INPP5A: variants seen among roughly 807,000 people sequenced by gnomAD.
INPP5A encodes the protein inositol polyphosphate-5-phosphatase A.
Under a neutral mutation model 65.2 loss-of-function variants are expected in INPP5A, and 14 were observed. The ratio of observed to expected loss-of-function variants is 0.21; its 90% confidence interval spans 0.14 to 0.34. The LOEUF (loss-of-function observed/expected upper bound fraction) is 0.34, where lower values mean the gene tolerates loss of function less well. Ranked by LOEUF, INPP5A falls within the 10% of genes least tolerant of loss-of-function variation. INPP5A has a pLI of 1.00. For missense variants in INPP5A, 431 were observed against 545.6 expected (o/e 0.79, Z 2.09); for synonymous variants, 207 against 208.3 (o/e 0.99, Z 0.05).
rs1306160199 is a variant in INPP5A, at chr10:132,555,087, G to A, written c.75+16916G>A. ...GTTGGCATTGATGTGGGTAGCATGG[G>A]CAGTGTGGGTGGCATGGCTGCTGTG... is the stretch of plus-strand genomic sequence containing the variant. On this transcript the variant is annotated intron_variant, in intron 1 of 15. Coordinates refer to ENST00000368594, the MANE Select transcript of INPP5A (RefSeq NM_005539.5). This position sits in a 1 kb window ranked among gnomAD's most constrained non-coding sequence, Gnocchi z 4.4. Among the ~76,000 whole-genome samples, 3 of 151,672 alleles carry A rather than the reference G, an allele frequency of 2.0e-5. No individual in the cohort carries two copies. Among genetic ancestry groups the A allele is most frequent in the East Asian group, 1.9e-4 (1 of 5,140 alleles).
In INPP5A at chr10:132,741,033, G is replaced by C. The variant is rs1846261696; in HGVS notation, c.733-8484G>C. 1.3e-5 allele frequency among the ~76,000 whole-genome samples: 2 copies of C among 152,182 alleles called. No homozygotes were observed. Among genetic ancestry groups the C allele is most frequent in the South Asian group, 4.1e-4 (2 of 4,826 alleles). On this transcript the variant is annotated intron_variant, in intron 9 of 15. Transcript: ENST00000368594. This position sits in a 1 kb window ranked among gnomAD's most constrained non-coding sequence, Gnocchi z 4.4. Reference sequence around the variant, plus strand: ...CATTGAGCCCAGGAATTCAAGACCAGCCTGGGCAACATAGGGAGTCCCCGT... The same window carrying C: ...CATTGAGCCCAGGAATTCAAGACCACCCTGGGCAACATAGGGAGTCCCCGT...
intron 9 of INPP5A, among the ~76,000 whole-genome samples, chr10:132,737,119 G>A (rs117101494): frequency 0.021 from 3,172 of 152,338 alleles, 41 homozygotes; most frequent in South Asian, 0.035. Flanking sequence ...TCAGTCTGAC[G>A]ATGTTCCTGC....
chr10:132,692,906 C>T (rs1018926552), intron 5 of INPP5A, among the ~76,000 whole-genome samples: 47 of 152,174 alleles, frequency 3.1e-4, no homozygotes, highest in African/African-American at 1.0e-3. Flanking sequence ...ATATATTTTT[C>T]TTACCCTTAA....
intron 6 of INPP5A, 78 bp from the exon 7 acceptor site, chr10:132,708,235 T>C: frequency 7.9e-7 from 1 of 1,273,736 alleles, no homozygotes; most frequent in Non-Finnish European, 1.1e-6. Flanking sequence ...ATCTCCTGTG[T>C]CCTTTAGGTG....
intron 11 of INPP5A, among the ~76,000 whole-genome samples, chr10:132,764,951 G>A (rs1479135103): frequency 1.4e-5 from 2 of 143,238 alleles, no homozygotes; most frequent in African/African-American, 5.3e-5. Context: ...GTGACACTCA[G>A]GAACACGGTC....
At position 132,650,052 on chromosome 10, in the gene INPP5A, T is replaced by G. The variant is rs1590894574; in HGVS notation, c.219-366T>G. On this transcript the variant is annotated intron_variant, in intron 3 of 15. Transcript: ENST00000368594. This position sits in a 1 kb window ranked among gnomAD's most constrained non-coding sequence, Gnocchi z 5.5. Reference sequence around the variant, plus strand: ...TGCTGGTGGCTACTGGGGGTCCAATTTCTCTCTTAAGACCAAGCGTGAGCT... The same window carrying G: ...TGCTGGTGGCTACTGGGGGTCCAATGTCTCTCTTAAGACCAAGCGTGAGCT... Among the ~76,000 whole-genome samples the G allele has an allele frequency of 6.6e-6, 1 of 152,270 alleles. No individual in the cohort carries two copies. Among genetic ancestry groups the G allele is most frequent in the African/African-American group, 2.4e-5 (1 of 41,554 alleles).
In INPP5A at chr10:132,725,524, C is replaced by T. The variant is rs148830538; in HGVS notation, c.648-1297C>T. 1.8e-3 allele frequency among the ~76,000 whole-genome samples: 268 copies of T among 152,308 alleles called. 3 individuals carry two copies. Among genetic ancestry groups the T allele is most frequent in the African/African-American group, 4.5e-3 (187 of 41,578 alleles). ...CTTGGGGATTCTTCTACTTCTCAAG[C>T]GAATGGATCAAGCTGGAAAAGGCTG... On this transcript the variant is annotated intron_variant, in intron 8 of 15. Coordinates refer to ENST00000368594, the MANE Select transcript of INPP5A (RefSeq NM_005539.5).
intron 9 of INPP5A, among the ~76,000 whole-genome samples, chr10:132,740,325 G>A (rs1475062137): frequency 6.6e-6 from 1 of 152,200 alleles, no homozygotes; most frequent in Non-Finnish European, 1.5e-5. Context: ...TCGATTCTGA[G>A]CAGTGGTCCG....
chr10:132,668,773 G>A (rs749617424), intron 4 of INPP5A, among the ~76,000 whole-genome samples: 3 of 152,196 alleles, frequency 2.0e-5, no homozygotes, highest in African/African-American at 7.2e-5. Context: ...AGCTCAGGGG[G>A]CTTCAGCCCC....
In INPP5A at chr10:132,650,575, G is replaced by A. The variant is rs1258860463; in HGVS notation, c.306+70G>A. On this transcript the variant is annotated intron_variant, in intron 4 of 15. Transcript: ENST00000368594. This position sits in a 1 kb window ranked among gnomAD's most constrained non-coding sequence, Gnocchi z 5.5. ...CTTGGCAGAAGCCAGCCCTTCTCCT[G>A]TGTAAATGGAGAGAGGTCGGGGTGC... 1 of 1,121,762 alleles carries A rather than the reference G, an allele frequency of 8.9e-7. No homozygotes were observed. The highest frequency in any genetic ancestry group is 1.7e-5 in the Admixed American group (1 of 58,632). The allele number at this position is 1,121,762 out of a possible 1,614,324, so 69.5% of individuals were successfully genotyped here. A position where few individuals can be genotyped will look rare whatever the true frequency, so the allele number is the denominator to read the frequency against.
In INPP5A at chr10:132,759,174, C is replaced by A. The variant is rs545788898; in HGVS notation, c.904-6599C>A. Among the ~76,000 whole-genome samples, 8 of 152,352 alleles carry A rather than the reference C, an allele frequency of 5.3e-5. No individual in the cohort carries two copies. The East Asian group carries it at 1.5e-3, about 29-fold the overall frequency. On this transcript the variant is annotated intron_variant, in intron 11 of 15. Transcript: ENST00000368594. ...CTCAGTGAGGCCATGCCCGTCCACA[C>A]GCTCAGAGCCCCCAGGGACCAACAG...
At chr10:132,560,738 T>TG (rs1423552309) in intron 1 of INPP5A, among the ~76,000 whole-genome samples, 2 of 152,174 alleles carry the variant, frequency 1.3e-5, no homozygotes, top group East Asian at 3.9e-4. Context: ...CTCACGTAGC[T>TG]GGGACTACAG....
intron 9 of INPP5A, among the ~76,000 whole-genome samples, chr10:132,735,217 T>C (rs569120741): frequency 6.6e-6 from 1 of 152,322 alleles, no homozygotes; most frequent in South Asian, 2.1e-4. Context: ...GTCTGGCTCC[T>C]TGGGAGCCGG....
At position 132,753,477 on chromosome 10, in the gene INPP5A, A is replaced by T. The variant is rs1176616402; in HGVS notation, c.903+3632A>T. On this transcript the variant is annotated intron_variant, in intron 11 of 15. Coordinates refer to ENST00000368594, the MANE Select transcript of INPP5A (RefSeq NM_005539.5). The surrounding 1 kb of genome is among the most constrained non-coding windows in gnomAD (Gnocchi z 5.3). ...TTATTGTATTTTAAGAGTAGTAATC[A>T]TTGGCCGGGACATGATTGAATGTGT... is the stretch of plus-strand genomic sequence containing the variant. Among the ~76,000 whole-genome samples, 1 of 152,234 alleles carries T rather than the reference A, an allele frequency of 6.6e-6. No homozygotes were observed. The highest frequency in any genetic ancestry group is 1.5e-5 in the Non-Finnish European group (1 of 68,050).
intron 9 of INPP5A, among the ~76,000 whole-genome samples, chr10:132,744,639 G>A (rs867359279): frequency 8.5e-5 from 13 of 152,192 alleles, no homozygotes; most frequent in Non-Finnish European, 1.8e-4. Flanking sequence ...TGCCTGTGGT[G>A]TTTCTAGATT....
intron 5 of INPP5A, among the ~76,000 whole-genome samples, chr10:132,694,283 A>T (rs12414233): frequency 2.0e-5 from 3 of 152,136 alleles, no homozygotes; most frequent in Admixed American, 6.6e-5. Context: ...ATAACATATG[A>T]GTCAAAGAAG....
At chr10:132,755,103 A>T (rs984477007) in intron 11 of INPP5A, among the ~76,000 whole-genome samples, 6 of 151,430 alleles carry the variant, frequency 4.0e-5, no homozygotes, top group Non-Finnish European at 8.8e-5. Flanking sequence ...GTGAGCAGGC[A>T]AGTGTGTGAG....
At position 132,721,112 on chromosome 10, in the gene INPP5A, C is replaced by T. The variant is rs1276209440; in HGVS notation, c.648-5709C>T. ...GGGTTCTGCCTGGAGGAGCCTTAGA[C>T]GACTGTCTTCAGGGTTCTGTGGTAC... is the stretch of plus-strand genomic sequence containing the variant. On this transcript the variant is annotated intron_variant, in intron 8 of 15. Transcript: ENST00000368594. 5.4e-5 allele frequency among the ~76,000 whole-genome samples: 8 copies of T among 148,170 alleles called. 1 individual carries two copies. In the East Asian group the frequency reaches 8.3e-4, roughly 15 times the overall value.
intron 2 of INPP5A, among the ~76,000 whole-genome samples, chr10:132,626,839 G>T (rs1429843959): frequency 6.6e-6 from 1 of 152,218 alleles, no homozygotes; most frequent in Non-Finnish European, 1.5e-5. Context: ...GGCCCTCCCA[G>T]CTCATGCCCC....
Sources: gnomAD v4.1 joint callset for allele counts (sites outside exome capture counted in the v4.1 genomes callset) on GRCh38, gnomAD v4.1.1 for gene constraint, Gnocchi (gnomAD v3.1) non-coding constraint, MANE v1.5 for transcripts, NCBI Gene and HGNC (gene_info 2026-07-23, HGNC 2026-07-21) for gene names.